The following MACROD2 variants were observed in gnomAD, a reference collection of about 807,000 sequenced individuals.
MACROD2 encodes the protein ADP-ribose glycohydrolase MACROD2.
MACROD2 carries 36 observed loss-of-function variants against 70.4 expected under a neutral mutation model. The observed-to-expected ratio is 0.51, with a 90% confidence interval of 0.39 to 0.68. The LOEUF (loss-of-function observed/expected upper bound fraction) is 0.68. Ranked by LOEUF, MACROD2 falls within the 30% of genes least tolerant of loss-of-function variation. MACROD2 has a pLI of 0.00. For missense variants in MACROD2, 496 were observed against 538.4 expected, an observed-to-expected ratio of 0.92 and a Z score of 0.78; for synonymous variants, 172 against 178.8, an observed-to-expected ratio of 0.96 and a Z score of 0.30.
At chr20:15,309,959 G>T (rs1022871886) in intron 6 of MACROD2, among the ~76,000 whole-genome samples, 2 of 152,328 alleles carry the variant, frequency 1.3e-5, no homozygotes, top group Admixed American at 6.5e-5. Flanking sequence ...GCCATTTGGA[G>T]ACTACTCAAA....
At chr20:14,793,448 C>A (rs2072473843) in intron 5 of MACROD2, among the ~76,000 whole-genome samples, 2 of 151,504 alleles carry the variant, frequency 1.3e-5, no homozygotes, top group Non-Finnish European at 2.9e-5. Flanking sequence ...CCCCACCATG[C>A]CCCCCGCCAG....
chr20:14,827,164 C>T (rs1401526069), intron 5 of MACROD2, among the ~76,000 whole-genome samples: 1 of 152,010 alleles, frequency 6.6e-6, no homozygotes. Context: ...AACTACTTTG[C>T]GGCAGCCACA....
chr20:15,891,500 T>C (rs912634486), intron 10 of MACROD2, among the ~76,000 whole-genome samples: 4 of 151,780 alleles, frequency 2.6e-5, no homozygotes, highest in African/African-American at 9.7e-5. Flanking sequence ...GTGTAGAGAG[T>C]AAAGAGTAGA....
At chr20:15,534,811 T>C (rs1197579359) in intron 8 of MACROD2, among the ~76,000 whole-genome samples, 1 of 152,232 alleles carries the variant, frequency 6.6e-6, no homozygotes, top group African/African-American at 2.4e-5. Context: ...GTGTCATTGC[T>C]AACTGCTTAG....
intron 3 of MACROD2, among the ~76,000 whole-genome samples, chr20:14,438,743 T>C (rs1051194634): frequency 6.6e-6 from 1 of 152,170 alleles, no homozygotes; most frequent in Non-Finnish European, 1.5e-5. Flanking sequence ...TCTTCGCCCA[T>C]TTTAAAATTG....
intron 3 of MACROD2, among the ~76,000 whole-genome samples, chr20:14,254,862 T>G (rs1160905385): frequency 6.6e-6 from 1 of 152,182 alleles, no homozygotes; most frequent in East Asian, 1.9e-4. Flanking sequence ...ATTTGGCATG[T>G]TTTTGCAGTG....
At chr20:14,329,059 C>T (rs757708493) in intron 3 of MACROD2, 4 of 151,908 alleles carry the variant, frequency 2.6e-5, no homozygotes, top group Non-Finnish European at 5.9e-5. Context: ...AGGCAGTTAC[C>T]CCCTACCTTT....
At chr20:14,948,413 C>T (rs1432270198) in intron 5 of MACROD2, among the ~76,000 whole-genome samples, 1 of 152,210 alleles carries the variant, frequency 6.6e-6, no homozygotes, top group Non-Finnish European at 1.5e-5. Context: ...TTGGCTTTAA[C>T]AGTGGGTGGC....
At chr20:14,162,619 G>T (rs756966412) in intron 3 of MACROD2, among the ~76,000 whole-genome samples, 28 of 151,880 alleles carry the variant, frequency 1.8e-4, no homozygotes, top group Admixed American at 1.3e-4. Flanking sequence ...TTATAATGAT[G>T]ACCTTTTTTT....
intron 3 of MACROD2, among the ~76,000 whole-genome samples, chr20:14,417,341 T>C (rs977464441): frequency 6.6e-6 from 1 of 152,148 alleles, no homozygotes; most frequent in Non-Finnish European, 1.5e-5. Context: ...TTGAATGTAA[T>C]AGGAAGATGA....
chr20:14,827,306 G>T (rs1213410112), intron 5 of MACROD2, among the ~76,000 whole-genome samples: 1 of 152,080 alleles, frequency 6.6e-6, no homozygotes, highest in East Asian at 1.9e-4. Flanking sequence ...CACAGCGACC[G>T]CATTAAGTAG....
At chr20:14,157,837 T>G in intron 3 of MACROD2, among the ~76,000 whole-genome samples, 1 of 152,298 alleles carries the variant, frequency 6.6e-6, no homozygotes, top group Middle Eastern at 3.4e-3. Flanking sequence ...TGATGGACAC[T>G]TAGGTTGACT....
chr20:14,570,817 C>G (rs1355992553), intron 4 of MACROD2, among the ~76,000 whole-genome samples: 1 of 151,970 alleles, frequency 6.6e-6, no homozygotes, highest in Non-Finnish European at 1.5e-5. Flanking sequence ...ATTTTAAAAA[C>G]ACAACTTAGA....
At chr20:15,165,225 A>G (rs186015604) in intron 5 of MACROD2, among the ~76,000 whole-genome samples, 1 of 152,276 alleles carries the variant, frequency 6.6e-6, no homozygotes, top group African/African-American at 2.4e-5. Flanking sequence ...GGAGGTTGAG[A>G]CAGGTGAATC....
At chr20:14,890,989 T>TCCTTCTTTCCTC (rs1218179948) in intron 5 of MACROD2, among the ~76,000 whole-genome samples, 1 of 69,990 alleles carries the variant, frequency 1.4e-5, no homozygotes, top group Admixed American at 1.7e-4. Flanking sequence ...CTTCCTTCCT[T>TCCTTCTTTCCTC]CCTCCCTCCC....
At chr20:14,722,089 T>C (rs2071476631) in intron 5 of MACROD2, among the ~76,000 whole-genome samples, 1 of 152,186 alleles carries the variant, frequency 6.6e-6, no homozygotes, top group Non-Finnish European at 1.5e-5. Context: ...TATTTATCCT[T>C]CATTTGTGGG....
intron 15 of MACROD2, among the ~76,000 whole-genome samples, chr20:16,006,877 A>G (rs549673135): frequency 7.2e-5 from 11 of 152,234 alleles, no homozygotes; most frequent in Non-Finnish European, 1.6e-4. Context: ...ACATTTGATT[A>G]GAACGACCTC....
At chr20:16,031,568 A>T (rs1053486570) in intron 15 of MACROD2, among the ~76,000 whole-genome samples, 1 of 152,218 alleles carries the variant, frequency 6.6e-6, no homozygotes, top group Non-Finnish European at 1.5e-5. Context: ...GTAGAAACAC[A>T]TCAGAAGTCC....
chr20:14,720,536 CTTTTTTTTTTTTTTTTT>C (rs753673265), intron 5 of MACROD2, among the ~76,000 whole-genome samples: 46 of 35,952 alleles, frequency 1.3e-3, no homozygotes, highest in South Asian at 4.9e-3. Flanking sequence ...TGCCCCACAA[CTTTTTTTTTTTTTTTTT>C]TTTTTTTTTT....
Sources: gnomAD v4.1 joint callset for allele counts (sites outside exome capture counted in the v4.1 genomes callset) on GRCh38, gnomAD v4.1.1 for gene constraint, MANE v1.5 for transcripts, NCBI Gene and HGNC (gene_info 2026-07-23, HGNC 2026-07-21) for gene names.